Variants in RFC3 observed in about 807,000 individuals in gnomAD.
RFC3 encodes the protein A1 38 kDa subunit.
In RFC3, 41 loss-of-function variants were observed where a neutral mutation model predicts 45.1. The observed-to-expected ratio is 0.91, with a 90% CI of 0.71 to 1.18. The LOEUF (loss-of-function observed/expected upper bound fraction) is 1.18, where lower values mean the gene tolerates loss of function less well. Among genes scored for constraint, RFC3 ranks in the 50% most tolerant of loss-of-function variants. The pLI is 0.00. For missense variants in RFC3, 423 were observed against 428.1 expected (o/e 0.99, Z 0.10); for synonymous variants, 149 against 144.0 (o/e 1.03, Z -0.25).
chr13:33,969,659 G>C (rs868791193), downstream of RFC3, among the ~76,000 whole-genome samples: 10 of 152,224 alleles, frequency 6.6e-5, no homozygotes, highest in Middle Eastern at 6.8e-3. Flanking sequence ...AGAAAGATTC[G>C]ACCTGAAAGT....
chr13:33,853,631 A>G (rs2082290891), intron 8 of RFC3, among the ~76,000 whole-genome samples: 2 of 152,208 alleles, frequency 1.3e-5, no homozygotes, highest in African/African-American at 2.4e-5. Flanking sequence ...ACAGGGAGAA[A>G]GGTACGTTGA....
Position 33,818,250 on chromosome 13 carries a change from C to T in RFC3, c.72C>T (p.Ala24=), listed in dbSNP as rs771211872. Residue 24 remains alanine, a synonymous_variant, in exon 1 of 9, where the codon GCC becomes GCT. Transcript: ENST00000380071. ...GRLDYHKEQA[A]QLRNLVQCGD... is the part of the protein sequence containing the mutation. ...TGGACTATCACAAGGAGCAGGCGGC[C>T]CAGCTGCGGAACCTGGTGAGTCTGC... 270 of 1,613,338 alleles carry T rather than the reference C, an allele frequency of 1.7e-4. No individual in the cohort carries two copies. The highest frequency in any genetic ancestry group is 2.2e-4 in the Non-Finnish European group (256 of 1,179,862).
chr13:33,929,604 A>G (rs890299940), intron 8 of RFC3, among the ~76,000 whole-genome samples: 2 of 152,120 alleles, frequency 1.3e-5, no homozygotes, highest in Non-Finnish European at 2.9e-5. Context: ...AATTCATTAC[A>G]AAATATTTTG....
At chr13:33,893,507 G>T (rs1485150086) in intron 8 of RFC3, among the ~76,000 whole-genome samples, 2 of 151,958 alleles carry the variant, frequency 1.3e-5, no homozygotes, top group East Asian at 3.9e-4. Flanking sequence ...AGGGTACTAT[G>T]ACCTCTTCAA....
In RFC3 at chr13:33,821,260, G is replaced by C. The variant is rs749625647; in HGVS notation, c.216G>C (p.Gln72His). The C allele has an allele frequency of 7.4e-6, 12 of 1,613,306 alleles. No homozygotes were observed. The highest frequency in any genetic ancestry group is 1.0e-5 in the Non-Finnish European group (12 of 1,179,462). Residue 72 changes from glutamine to histidine, a missense_variant, in exon 2 of 9, where the codon CAG (glutamine) becomes CAC (histidine). Physicochemically the swap from Gln to His is conservative, Grantham distance 24. Coordinates refer to ENST00000380071, the MANE Select transcript of RFC3 (RefSeq NM_002915.4). Reference sequence around the variant, plus strand: ...TGGAAAAATTGAGAATTGAACATCAGACCATCACAGTAAGCATTTCACTTT... The same window carrying C: ...TGGAAAAATTGAGAATTGAACATCACACCATCACAGTAAGCATTTCACTTT... ...VGVEKLRIEH[Q>H]TITTPSKKKI...
At chr13:33,910,955 G>T (rs558558007) in intron 8 of RFC3, among the ~76,000 whole-genome samples, 1 of 151,858 alleles carries the variant, frequency 6.6e-6, no homozygotes, top group Non-Finnish European at 1.5e-5. Context: ...AGAGCAGCAC[G>T]AAAGGGGGAA....
At chr13:33,839,737 AT>A (rs2139437274), downstream of RFC3, among the ~76,000 whole-genome samples, 1 of 152,278 alleles carries the variant, frequency 6.6e-6, no homozygotes, top group South Asian at 2.1e-4. Flanking sequence ...GTCTGGCATC[AT>A]TTATTTTAAA....
intron 8 of RFC3, among the ~76,000 whole-genome samples, chr13:33,852,839 T>C (rs1031568159): frequency 3.3e-5 from 5 of 152,224 alleles, no homozygotes; most frequent in African/African-American, 7.2e-5. Flanking sequence ...CTATGACTTA[T>C]GCAACTCGTG....
chr13:33,931,499 G>A (rs1349866068), intron 8 of RFC3, among the ~76,000 whole-genome samples: 1 of 152,038 alleles, frequency 6.6e-6, no homozygotes. Context: ...CTTTTTCCAT[G>A]GTGTAGACTC....
At chr13:33,887,819 AG>A (rs1256115722) in intron 8 of RFC3, among the ~76,000 whole-genome samples, 4 of 151,840 alleles carry the variant, frequency 2.6e-5, no homozygotes, top group African/African-American at 9.7e-5. Context: ...GGTGTAAGGA[AG>A]GGATCCAGTT....
intron 8 of RFC3, among the ~76,000 whole-genome samples, chr13:33,844,603 T>C (rs745683496): frequency 6.6e-6 from 1 of 152,218 alleles, no homozygotes; most frequent in Non-Finnish European, 1.5e-5. Context: ...TAACTCATTA[T>C]TTTAAACTGA....
chr13:33,960,049 A>G (rs577452929), intron 8 of RFC3, among the ~76,000 whole-genome samples: 29 of 152,106 alleles, frequency 1.9e-4, no homozygotes, highest in African/African-American at 7.0e-4. Flanking sequence ...ATGTGAACTC[A>G]CTGTTGTGAG....
At chr13:33,964,753 A>C (rs762484695) in intron 8 of RFC3, among the ~76,000 whole-genome samples, 4 of 152,200 alleles carry the variant, frequency 2.6e-5, no homozygotes, top group African/African-American at 9.6e-5. Context: ...ATATAGGTCT[A>C]TGTCCACTTC....
chr13:33,930,855 T>TG (rs2082847555), intron 8 of RFC3, among the ~76,000 whole-genome samples: 1 of 152,152 alleles, frequency 6.6e-6, no homozygotes, highest in South Asian at 2.1e-4. Context: ...ATAATCAGTA[T>TG]GATCCCTGCC....
chr13:33,869,001 G>A (rs772359731), intron 8 of RFC3, among the ~76,000 whole-genome samples: 2 of 152,346 alleles, frequency 1.3e-5, no homozygotes, highest in Non-Finnish European at 2.9e-5. Flanking sequence ...GAGAATAAGT[G>A]TGGAATCCAG....
intron 8 of RFC3, among the ~76,000 whole-genome samples, chr13:33,962,836 A>G (rs2083065571): frequency 6.6e-6 from 1 of 152,152 alleles, no homozygotes; most frequent in Non-Finnish European, 1.5e-5. Context: ...TTTTAGTGGC[A>G]CTTTTACTGT....
intron 8 of RFC3, among the ~76,000 whole-genome samples, chr13:33,843,584 A>T (rs866613840): frequency 2.5e-4 from 38 of 152,210 alleles, no homozygotes; most frequent in African/African-American, 8.7e-4. Context: ...TCTCTAGAAT[A>T]ACATTAAGTA....
At chr13:33,917,413 A>G (rs1214472120) in intron 8 of RFC3, among the ~76,000 whole-genome samples, 3 of 152,170 alleles carry the variant, frequency 2.0e-5, no homozygotes, top group Admixed American at 6.5e-5. Context: ...TCCTTTTAAT[A>G]TTGCAGCACA....
intron 2 of RFC3, among the ~76,000 whole-genome samples, chr13:33,822,121 AGC>A (rs1566376173): frequency 6.6e-6 from 1 of 152,234 alleles, no homozygotes; most frequent in Non-Finnish European, 1.5e-5. Flanking sequence ...AATGTTGATT[AGC>A]ATATATTTAG....
Sources: allele counts gnomAD v4.1 joint callset (sites outside exome capture counted in the v4.1 genomes callset), GRCh38; gene constraint gnomAD v4.1.1; transcripts MANE v1.5; gene names NCBI Gene and HGNC (gene_info 2026-07-23, HGNC 2026-07-21).